Variants in OR1A1 observed in about 807,000 individuals in gnomAD.
The protein encoded by OR1A1 is olfactory receptor family 1 subfamily A member 1, also known as olfactory receptor 1A1.
For synonymous variants in OR1A1, 145 were observed against 147.8 expected, an observed-to-expected ratio of 0.98 and a Z score of 0.13; for missense variants, 391 against 379.9, an observed-to-expected ratio of 1.03 and a Z score of -0.24.
chr17:3,211,736 C>T (rs4426379), intron 2 of OR1A1, among the ~76,000 whole-genome samples: 37,858 of 151,838 alleles, frequency 0.25, 5,487 homozygotes, highest in East Asian at 0.57. Flanking sequence ...TGGAAGAGGA[C>T]TGACATTTTC....
chr17:3,211,308 G>C (rs1304950191), intron 2 of OR1A1, among the ~76,000 whole-genome samples: 1 of 151,012 alleles, frequency 6.6e-6, no homozygotes, highest in Non-Finnish European at 1.5e-5. Context: ...TCCTCAAATT[G>C]TCTTATCTCT....
intron 2 of OR1A1, among the ~76,000 whole-genome samples, chr17:3,209,492 T>A (rs1597291525): frequency 1.3e-5 from 2 of 152,186 alleles, no homozygotes. Context: ...TTATTATTTT[T>A]AAAAAATTTT....
chr17:3,215,697 T>C lies in OR1A1; in HGVS notation c.77T>C (p.Phe26Ser). 6.2e-7 allele frequency: 1 copy of C among 1,613,874 alleles called. No individual in the cohort carries two copies. Among genetic ancestry groups the C allele is most frequent in the Non-Finnish European group, 8.5e-7 (1 of 1,179,752 alleles). Reference sequence around the variant, plus strand: ...ACTGGTCAGCAGGAACAGGAAGATTTCTTCTACATCCTCTTCTTGTTCATT... The same window carrying C: ...ACTGGTCAGCAGGAACAGGAAGATTCCTTCTACATCCTCTTCTTGTTCATT... Reference protein sequence around the residue: ...GVTGQQEQEDFFYILFLFIYP... With the variant: ...GVTGQQEQEDSFYILFLFIYP... Residue 26 changes from phenylalanine (F) to serine (S), a missense_variant, in exon 4 of 4, where the codon TTC (phenylalanine) becomes TCC (serine). Physicochemically the swap from Phe to Ser is radical, Grantham distance 155 (BLOSUM62 -2). Transcript: ENST00000641732.
intron 3 of OR1A1, chr17:3,213,495 A>G (rs2048452854): frequency 6.6e-6 from 1 of 152,234 alleles, no homozygotes; most frequent in South Asian, 2.1e-4. Flanking sequence ...TTTTGAGTCA[A>G]TATCTCTTTA....
At chr17:3,208,271 C>G (rs1000486021) in intron 1 of OR1A1, among the ~76,000 whole-genome samples, 16 of 152,066 alleles carry the variant, frequency 1.1e-4, no homozygotes, top group Admixed American at 3.3e-4. Flanking sequence ...AAAACAGCAT[C>G]AGAAAAAGAT....
In OR1A1 at chr17:3,216,005, C is replaced by T; in HGVS notation, c.385C>T (p.Pro129Ser). 1.9e-6 allele frequency: 3 copies of T among 1,614,090 alleles called. No individual in the cohort carries two copies. The highest frequency in any genetic ancestry group is 2.5e-6 in the Non-Finnish European group (3 of 1,180,020). Residue 129 changes from proline (P) to serine (S), a missense_variant, in exon 4 of 4, where the codon CCA (proline) becomes TCA (serine). Pro to Ser is a moderately conservative substitution (Grantham distance 74). Transcript: ENST00000641732. ...AYDRAVAISR[P>S]LHYTTIMSPR... ...TGATCGAGCTGTGGCCATCAGCCGC[C>T]CACTTCACTACACAACAATTATGAG...
chr17:3,215,352 G>C (rs906538900), intron 3 of OR1A1, among the ~76,000 whole-genome samples: 3 of 152,234 alleles, frequency 2.0e-5, no homozygotes, highest in African/African-American at 4.8e-5. Flanking sequence ...TAGGCGTTTA[G>C]TGGTGGTGCT....
At chr17:3,209,072 G>A (rs139876194) in intron 2 of OR1A1, 74 bp downstream of exon 2, 11,608 of 152,210 alleles carry the variant, frequency 0.076, 632 homozygotes, top group Non-Finnish European at 0.11. Flanking sequence ...GGGTACAGGT[G>A]GTATTTGGTT....
Position 3,216,474 on chromosome 17 carries a change from C to T in OR1A1, c.854C>T (p.Pro285Leu). 6.2e-7 allele frequency: 1 copy of T among 1,614,112 alleles called. No homozygotes were observed. The change falls in exon 4 of 4, where the codon CCT (proline) becomes CTT (leucine). Residue 285 changes from proline (P) to leucine (L), a missense_variant. Physicochemically the swap from Pro to Leu is moderately conservative, Grantham distance 98 (BLOSUM62 -3). Coordinates refer to ENST00000641732, the MANE Select transcript of OR1A1 (RefSeq NM_014565.3). The stretch of plus-strand genomic sequence containing the variant: ...ACGGCAGTGACCCCAATGTTAAATC[C>T]TTTCATCTACAGTCTGAGAAATCGG... ...MYTAVTPMLN[P>L]FIYSLRNRDM... is the part of the protein sequence containing the mutation.
At chr17:3,211,005 C>T (rs552465780) in intron 2 of OR1A1, among the ~76,000 whole-genome samples, 2 of 152,242 alleles carry the variant, frequency 1.3e-5, no homozygotes, top group East Asian at 3.9e-4. Flanking sequence ...TGACGTTTTG[C>T]TTTTCACAGT....
rs531184346 is a variant in OR1A1 at position 3,217,764 on chromosome 17, T to C, written c.*1214T>C. The C allele has an allele frequency of 6.6e-6, 1 of 152,298 alleles. No homozygotes were observed. The highest frequency in any genetic ancestry group is 2.1e-4 in the South Asian group (1 of 4,832). 9.4% of individuals were successfully genotyped at this position (152,298 alleles called of 1,614,324 possible). Reference sequence around the variant, plus strand: ...AACTGGACCCCTTTCTTACATCTTATACAAAAATTAACTCAAGATGGATTA... The same window carrying C: ...AACTGGACCCCTTTCTTACATCTTACACAAAAATTAACTCAAGATGGATTA... On this transcript the variant is annotated 3_prime_UTR_variant, in exon 4 of 4. Coordinates refer to ENST00000641732, the MANE Select transcript of OR1A1 (RefSeq NM_014565.3).
chr17:3,215,427 G>C (rs541976632), intron 3 of OR1A1, among the ~76,000 whole-genome samples, 189 bp from the exon 4 acceptor site: 16 of 152,110 alleles, frequency 1.1e-4, no homozygotes, highest in Non-Finnish European at 5.9e-5. Context: ...GACTATAAAG[G>C]GGTGAATGAC....
chr17:3,209,728 C>T (rs1482769189), intron 2 of OR1A1, among the ~76,000 whole-genome samples: 1 of 152,112 alleles, frequency 6.6e-6, no homozygotes, highest in Non-Finnish European at 1.5e-5. Context: ...CATGATCATA[C>T]CACTGCCCTC....
At position 3,218,414 on chromosome 17, in the gene OR1A1, A is replaced by C. The variant is rs1197660498; in HGVS notation, c.*1864A>C. On this transcript the variant is annotated 3_prime_UTR_variant, in exon 4 of 4. Transcript: ENST00000641732. ...TACCATTTGATCCAGTGATCCCATT[A>C]CTGGGTATATACCTAAAGGATTATA... 1.3e-5 allele frequency: 2 copies of C among 152,254 alleles called. No individual in the cohort carries two copies. The highest frequency in any genetic ancestry group is 4.8e-5 in the African/African-American group (2 of 41,468). The allele number at this position is 152,254 out of a possible 1,614,324, so 9.4% of individuals were successfully genotyped here. A position where few individuals can be genotyped will look rare whatever the true frequency, so the allele number is the denominator to read the frequency against.
intron 3 of OR1A1, chr17:3,213,747 G>A (rs1357539347): frequency 6.6e-6 from 1 of 152,210 alleles, no homozygotes; most frequent in Non-Finnish European, 1.5e-5. Flanking sequence ...AGGGTAAGAA[G>A]GTGTGGAGGA....
chr17:3,208,466 C>G (rs137902123), intron 1 of OR1A1, 115 bp from the exon 2 acceptor site: 13 of 152,060 alleles, frequency 8.5e-5, no homozygotes, highest in African/African-American at 3.1e-4. Context: ...ATTTCATTAC[C>G]AAAGCACTGA....
Position 3,218,590 on chromosome 17 carries a change from T to TA in OR1A1, c.*2046dup, listed in dbSNP as rs2048482379. On this transcript the variant is annotated 3_prime_UTR_variant, in exon 4 of 4. Transcript: ENST00000641732. ...TACACCATGGAATACTACGCAGTCA[T>TA]AAAAAAGGATGAGTTCATGTCCTTT... 6.6e-6 allele frequency: 1 copy of TA among 151,956 alleles called. No individual in the cohort carries two copies. Among genetic ancestry groups the TA allele is most frequent in the Admixed American group, 6.6e-5 (1 of 15,262 alleles). The allele number at this position is 151,956 out of a possible 1,614,324, so 9.4% of individuals were successfully genotyped here.
In OR1A1 at chr17:3,216,244, G is replaced by A; in HGVS notation, c.624G>A (p.Val208=). 2 of 1,614,100 alleles carry A rather than the reference G, an allele frequency of 1.2e-6. No homozygotes were observed. Among genetic ancestry groups the A allele is most frequent in the Non-Finnish European group, 1.7e-6 (2 of 1,180,028 alleles). ...MMYLGVGIFS[V]PLLCIIVSYI... The stretch of plus-strand genomic sequence containing the variant: ...ACCTAGGGGTTGGCATTTTCTCTGT[G>A]CCATTACTATGCATCATTGTCTCCT... Residue 208 remains valine, a synonymous_variant, in exon 4 of 4, where the codon GTG becomes GTA. Transcript: ENST00000641732.
At position 3,208,979 on chromosome 17, in the gene OR1A1, T is replaced by G. The variant is rs2048426642; in HGVS notation, c.-158T>G. On this transcript the variant is annotated 5_prime_UTR_variant, in exon 2 of 4. Transcript: ENST00000641732. ...TAACAACAGAAGCTCATCATCTAGATTATACAAATGGAACATTAGGTATTT... is the reference window on the plus strand; with the variant it reads ...TAACAACAGAAGCTCATCATCTAGAGTATACAAATGGAACATTAGGTATTT... 6.6e-6 allele frequency: 1 copy of G among 152,184 alleles called. No homozygotes were observed. The highest frequency in any genetic ancestry group is 2.4e-5 in the African/African-American group (1 of 41,436). The allele number at this position is 152,184 out of a possible 1,614,324, so 9.4% of individuals were successfully genotyped here.
Sources: allele counts gnomAD v4.1 joint callset (sites outside exome capture counted in the v4.1 genomes callset), GRCh38; gene constraint gnomAD v4.1.1; transcripts MANE v1.5; gene names NCBI Gene and HGNC (gene_info 2026-07-23, HGNC 2026-07-21).